Variants in CACNA2D4 observed in about 807,000 individuals in gnomAD.
CACNA2D4 encodes voltage-dependent calcium channel subunit alpha-2/delta-4.
In CACNA2D4, 157 loss-of-function variants were observed where a neutral mutation model predicts 163.8. The ratio of observed to expected loss-of-function variants is 0.96; its 90% CI spans 0.84 to 1.09. CACNA2D4 has a LOEUF of 1.09. CACNA2D4 is among the 50% of genes least tolerant of loss of function. The pLI is 0.00. For missense variants in CACNA2D4, 1,410 were observed against 1,479.9 expected (o/e 0.95, Z 0.78); for synonymous variants, 598 against 586.9 (o/e 1.02, Z -0.27).
At chr12:1,801,438 G>A in intron 30 of CACNA2D4, 136 bp downstream of exon 30, 1 of 757,016 alleles carries the variant, frequency 1.3e-6, no homozygotes. Flanking sequence ...GCTCCATAAA[G>A]GTTGCTTTTG....
rs1293035196 is a variant in CACNA2D4 at position 1,917,172 on chromosome 12, A to G, written c.227+1075T>C. Among the ~76,000 whole-genome samples, 1 of 152,198 alleles carries G rather than the reference A, an allele frequency of 6.6e-6. No homozygotes were observed. Among genetic ancestry groups the G allele is most frequent in the East Asian group, 1.9e-4 (1 of 5,198 alleles). On this transcript the variant is annotated intron_variant, in intron 1 of 37. Transcript: ENST00000382722. The surrounding 1 kb of genome is among the most constrained non-coding windows in gnomAD (Gnocchi z 4.3). ...CTTCCTGGCCTTGTGAACTTGGGGA[A>G]GTCACCTGACCTCTCGGGGCCTCTG...
chr12:1,860,179 A>C lies in CACNA2D4; in HGVS notation c.1906T>G (p.Tyr636Asp). 1.2e-6 allele frequency: 2 copies of C among 1,613,864 alleles called. No homozygotes were observed. The highest frequency in any genetic ancestry group is 1.7e-6 in the Non-Finnish European group (2 of 1,179,790). The change falls in exon 19 of 38, where the codon TAC (tyrosine) becomes GAC (aspartate). Residue 636 changes from tyrosine (Y) to aspartate (D), a missense_variant. Tyr to Asp is a radical substitution (Grantham distance 160, BLOSUM62 -3). Coordinates refer to ENST00000382722, the MANE Select transcript of CACNA2D4 (RefSeq NM_172364.5). ...GKRVLFLTND[Y>D]FFTDISDTPF... ...GTGTCGCTGATGTCCGTGAAGAAGTAGTCATTGGTCAGGAAAAGAACTCGC... is the reference window on the plus strand; with the variant it reads ...GTGTCGCTGATGTCCGTGAAGAAGTCGTCATTGGTCAGGAAAAGAACTCGC...
chr12:1,900,447 T>C (rs1161858474), intron 6 of CACNA2D4, among the ~76,000 whole-genome samples: 3 of 152,212 alleles, frequency 2.0e-5, no homozygotes, highest in Non-Finnish European at 4.4e-5. Context: ...CAAAAAACTT[T>C]TAACAACATT....
At chr12:1,871,813 G>C (rs1253429226) in intron 18 of CACNA2D4, among the ~76,000 whole-genome samples, 2 of 152,360 alleles carry the variant, frequency 1.3e-5, no homozygotes, top group African/African-American at 4.8e-5. Context: ...AGTCAGTGCA[G>C]TTAATTTGGA....
chr12:1,868,271 C>T (rs543682913), intron 18 of CACNA2D4, among the ~76,000 whole-genome samples: 24 of 152,290 alleles, frequency 1.6e-4, no homozygotes, highest in African/African-American at 5.5e-4. Flanking sequence ...GAATATTATT[C>T]AGCCTTAACA....
intron 18 of CACNA2D4, among the ~76,000 whole-genome samples, chr12:1,864,494 TTGCCAGAAAGTG>T (rs1343248921): frequency 6.6e-6 from 1 of 152,244 alleles, no homozygotes; most frequent in East Asian, 1.9e-4. Context: ...TGAGAAATGT[TTGCCAGAAAGTG>T]TGCCTCTGTC....
chr12:1,847,128 G>A (rs1409986981), intron 23 of CACNA2D4, among the ~76,000 whole-genome samples: 1 of 152,192 alleles, frequency 6.6e-6, no homozygotes, highest in Non-Finnish European at 1.5e-5. Flanking sequence ...CGTGAAGGGA[G>A]GGGGAGCAGG....
At position 1,918,350 on chromosome 12, in the gene CACNA2D4, C is replaced by T. The variant is rs776658230; in HGVS notation, c.124G>A (p.Val42Met). ...GTCTTCTGCACAAAGGCCCAGGCCA[C>T]GGGCATTGGCTGGAGGGGAATCCAG... ...SRWIPLQPMP[V>M]AWAFVQKTSA... The change falls in exon 1 of 38, where the codon GTG becomes ATG. Residue 42 changes from valine to methionine, a missense_variant. Val to Met is a conservative substitution (Grantham distance 21). Transcript: ENST00000382722. 52 of 1,607,548 alleles carry T rather than the reference C, an allele frequency of 3.2e-5. No homozygotes were observed. Among genetic ancestry groups the T allele is most frequent in the East Asian group, 4.5e-5 (2 of 44,668 alleles).
chr12:1,831,089 G>A, intron 26 of CACNA2D4: 1 of 1,614,002 alleles, frequency 6.2e-7, no homozygotes, highest in African/African-American at 1.3e-5. Context: ...GAACCCTCTT[G>A]CTCTTGAACA....
At chr12:1,918,181 C>G in intron 1 of CACNA2D4, 66 bp downstream of exon 1, 7 of 1,250,914 alleles carry the variant, frequency 5.6e-6, no homozygotes, top group Non-Finnish European at 8.0e-6. Flanking sequence ...GGATGGAGGC[C>G]CAGCCCGGGA....
intron 25 of CACNA2D4, among the ~76,000 whole-genome samples, chr12:1,842,594 C>T (rs1202686306): frequency 1.3e-5 from 2 of 152,176 alleles, no homozygotes; most frequent in Non-Finnish European, 2.9e-5. Flanking sequence ...CTTTTCTCCT[C>T]GTGGCTCAGC....
chr12:1,903,632 TG>T (rs1478537918), intron 6 of CACNA2D4, among the ~76,000 whole-genome samples: 1 of 152,106 alleles, frequency 6.6e-6, no homozygotes, highest in Non-Finnish European at 1.5e-5. Flanking sequence ...TCAACATCAT[TG>T]ATTATCAGAG....
intron 18 of CACNA2D4, among the ~76,000 whole-genome samples, chr12:1,861,282 A>G (rs1865519221): frequency 1.3e-5 from 2 of 152,196 alleles, no homozygotes; most frequent in Non-Finnish European, 2.9e-5. Flanking sequence ...TCCCCTGGTC[A>G]TGCCCTCTGG....
intron 29 of CACNA2D4, among the ~76,000 whole-genome samples, chr12:1,803,852 G>A (rs911317389): frequency 1.3e-5 from 2 of 152,208 alleles, no homozygotes; most frequent in African/African-American, 4.8e-5. Context: ...CAAACTCTCA[G>A]ACATGGCTGG....
At position 1,834,630 on chromosome 12, in the gene CACNA2D4, A is replaced by C; in HGVS notation, c.2551+6109T>G. The C allele has an allele frequency of 6.2e-7, 1 of 1,600,320 alleles. No homozygotes were observed. Among genetic ancestry groups the C allele is most frequent in the Non-Finnish European group, 8.5e-7 (1 of 1,179,900 alleles). ...TGCATCTACGCCTCCCTCATGGCCA[A>C]GTACCACCGGGAGCTCAAAAAGCGC... On this transcript the variant is annotated intron_variant, in intron 26 of 37. Transcript: ENST00000382722. The surrounding 1 kb of genome is among the most constrained non-coding windows in gnomAD (Gnocchi z 7.6).
intron 24 of CACNA2D4, among the ~76,000 whole-genome samples, chr12:1,846,208 G>C (rs1221688658): frequency 6.6e-6 from 1 of 152,172 alleles, no homozygotes; most frequent in African/African-American, 2.4e-5. Flanking sequence ...GACCAGCCCA[G>C]AGAGGAAAGC....
chr12:1,812,792 G>A (rs1383757544), intron 26 of CACNA2D4, among the ~76,000 whole-genome samples: 1 of 152,174 alleles, frequency 6.6e-6, no homozygotes, highest in Non-Finnish European at 1.5e-5. Flanking sequence ...CTGAGTCCTG[G>A]TGATCGGGAA....
chr12:1,795,490 G>C, intron 36 of CACNA2D4, 109 bp from the exon 37 acceptor site: 1 of 1,135,004 alleles, frequency 8.8e-7, no homozygotes. Flanking sequence ...CCTGCAAGCA[G>C]CTTTAGGGTC....
At chr12:1,916,491 G>A (rs1042942727) in intron 1 of CACNA2D4, among the ~76,000 whole-genome samples, 1 of 152,192 alleles carries the variant, frequency 6.6e-6, no homozygotes, top group African/African-American at 2.4e-5. Context: ...AGGGCAGGAG[G>A]GCTCTCTCAA....
Sources: allele counts gnomAD v4.1 joint callset (sites outside exome capture counted in the v4.1 genomes callset), GRCh38; gene constraint gnomAD v4.1.1; non-coding constraint Gnocchi (gnomAD v3.1); transcripts MANE v1.5; gene names NCBI Gene and HGNC (gene_info 2026-07-23, HGNC 2026-07-21).